Variants in ZPBP observed in about 807,000 individuals in gnomAD.
The protein encoded by ZPBP is zona pellucida-binding protein 1.
ZPBP carries 26 observed loss-of-function variants against 44.8 expected under a neutral mutation model. The ratio of observed to expected loss-of-function variants is 0.58; its 90% CI spans 0.43 to 0.81. The LOEUF is 0.81. Among genes scored for constraint, ZPBP ranks in the 30% least tolerant of loss-of-function variants. ZPBP has a pLI of 0.00. For synonymous variants in ZPBP, 174 were observed against 153.2 expected, an observed-to-expected ratio of 1.14 and a Z score of -1.00; for missense variants, 409 against 434.0, an observed-to-expected ratio of 0.94 and a Z score of 0.51.
At chr7:49,966,518 G>T (rs963023818) in intron 7 of ZPBP, among the ~76,000 whole-genome samples, 9 of 151,796 alleles carry the variant, frequency 5.9e-5, no homozygotes, top group African/African-American at 1.9e-4. Flanking sequence ...AATTAAATTA[G>T]GTTTCCATAA....
chr7:49,844,815 C>G, the ZPBP span, among the ~76,000 whole-genome samples: 1 of 152,092 alleles, frequency 6.6e-6, no homozygotes, highest in Non-Finnish European at 1.5e-5. Flanking sequence ...GTCTCAGCTT[C>G]CTGAGTAGCT....
intron 6 of ZPBP, among the ~76,000 whole-genome samples, chr7:49,997,627 G>A (rs1346243153): frequency 7.9e-5 from 12 of 152,100 alleles, no homozygotes; most frequent in African/African-American, 2.4e-4. Flanking sequence ...TGCTTCGGGG[G>A]AAGCCATTAC....
chr7:49,974,401 GC>G (rs1266039809), intron 7 of ZPBP, among the ~76,000 whole-genome samples: 1 of 152,088 alleles, frequency 6.6e-6, no homozygotes, highest in Non-Finnish European at 1.5e-5. Context: ...ATGTTATGAT[GC>G]CATAAAGTGA....
rs1005262742 is a variant in ZPBP at position 49,886,993 on chromosome 7, A to G, written n.509+14125T>C. Among the ~76,000 whole-genome samples, 4 of 150,312 alleles carry G rather than the reference A, an allele frequency of 2.7e-5. No individual in the cohort carries two copies. The South Asian group carries it at 8.4e-4, about 32-fold the overall frequency. On this transcript the variant is annotated intron_variant and non_coding_transcript_variant, in intron 2 of 2. Coordinates refer to the ZPBP transcript ENST00000465922. ...TGCCTTTACCTTCATTTTTACTTTT[A>G]CCTATATTCAAGGCAAATTTTAAGT...
At chr7:49,862,946 C>A (rs1250083443) in intron 2 of ZPBP, among the ~76,000 whole-genome samples, 2 of 152,176 alleles carry the variant, frequency 1.3e-5, no homozygotes, top group Non-Finnish European at 2.9e-5. Context: ...ATGTCTCAAT[C>A]TGGCTTTGGT....
chr7:50,035,022 T>G (rs569931562), intron 4 of ZPBP, among the ~76,000 whole-genome samples: 1 of 152,340 alleles, frequency 6.6e-6, no homozygotes, highest in East Asian at 1.9e-4. Flanking sequence ...CCTTCCTTAC[T>G]GGAGACAACA....
chr7:49,851,300 C>T (rs1790170217), intron 2 of ZPBP, among the ~76,000 whole-genome samples: 1 of 152,164 alleles, frequency 6.6e-6, no homozygotes, highest in Non-Finnish European at 1.5e-5. Flanking sequence ...TTCTTAATTA[C>T]ATTTGCAAAA....
At chr7:49,938,093 T>C (rs1474255414) in intron 7 of ZPBP, among the ~76,000 whole-genome samples, 6 of 152,196 alleles carry the variant, frequency 3.9e-5, no homozygotes, top group African/African-American at 1.2e-4. Flanking sequence ...TAACAGGACA[T>C]AGACCAGTAC....
At chr7:49,962,909 T>A (rs148878901) in intron 7 of ZPBP, among the ~76,000 whole-genome samples, 1,862 of 151,686 alleles carry the variant, frequency 0.012, 20 homozygotes, top group Non-Finnish European at 0.018. Flanking sequence ...AAACTTGGTT[T>A]TGTCAAGATT....
At chr7:50,066,266 T>C (rs1006658187) in intron 3 of ZPBP, among the ~76,000 whole-genome samples, 3 of 150,676 alleles carry the variant, frequency 2.0e-5, no homozygotes, top group Non-Finnish European at 4.4e-5. Flanking sequence ...TCTTTCTTTT[T>C]TTTTTTTCTC....
intron 2 of ZPBP, among the ~76,000 whole-genome samples, chr7:50,083,063 C>A (rs1367348797): frequency 1.3e-5 from 2 of 151,842 alleles, no homozygotes. Flanking sequence ...TCCTCCTCAT[C>A]TTTGGAGACT....
At chr7:50,061,150 A>T (rs1238276325) in intron 3 of ZPBP, among the ~76,000 whole-genome samples, 2 of 152,184 alleles carry the variant, frequency 1.3e-5, no homozygotes, top group Middle Eastern at 3.2e-3. Context: ...TGGGCATCAA[A>T]GGAACATACC....
At chr7:50,001,034 T>A (rs1349194234) in intron 6 of ZPBP, among the ~76,000 whole-genome samples, 2 of 152,128 alleles carry the variant, frequency 1.3e-5, no homozygotes, top group Non-Finnish European at 2.9e-5. Context: ...GACATGGCCA[T>A]CTGCATGCCA....
At chr7:50,039,871 T>C (rs1799987571) in intron 4 of ZPBP, among the ~76,000 whole-genome samples, 1 of 152,104 alleles carries the variant, frequency 6.6e-6, no homozygotes, top group African/African-American at 2.4e-5. Flanking sequence ...CAAACAGAAG[T>C]ACATAAGAGT....
At chr7:49,889,690 CT>C (rs1487391967) in intron 2 of ZPBP, among the ~76,000 whole-genome samples, 6 of 152,186 alleles carry the variant, frequency 3.9e-5, no homozygotes, top group African/African-American at 1.4e-4. Context: ...TTTCACGTTG[CT>C]TTTGCCAGTG....
chr7:50,079,555 G>A (rs549695155), intron 3 of ZPBP, among the ~76,000 whole-genome samples: 37 of 151,648 alleles, frequency 2.4e-4, no homozygotes, highest in African/African-American at 8.4e-4. Context: ...CCAGGGACTG[G>A]GGGGTTGGAG....
intron 4 of ZPBP, among the ~76,000 whole-genome samples, chr7:50,046,224 G>C (rs1353551792): frequency 1.3e-5 from 2 of 152,116 alleles, no homozygotes; most frequent in African/African-American, 4.8e-5. Flanking sequence ...TGCCATTCAG[G>C]ACATAGGCAT....
chr7:50,039,008 A>C (rs769136377), intron 4 of ZPBP, among the ~76,000 whole-genome samples: 3 of 152,202 alleles, frequency 2.0e-5, no homozygotes, highest in Non-Finnish European at 4.4e-5. Flanking sequence ...ACATAACTAG[A>C]TTATCTAAAA....
downstream of ZPBP, among the ~76,000 whole-genome samples, chr7:49,933,640 T>C (rs955916597): frequency 2.0e-5 from 3 of 152,208 alleles, no homozygotes; most frequent in Middle Eastern, 3.4e-3. Context: ...TAGCAAAGAC[T>C]TGGAACCAAC....
Sources: gnomAD v4.1 joint callset for allele counts (sites outside exome capture counted in the v4.1 genomes callset) on GRCh38, gnomAD v4.1.1 for gene constraint, MANE v1.5 for transcripts, NCBI Gene and HGNC (gene_info 2026-07-23, HGNC 2026-07-21) for gene names.